TANC2: variants seen among roughly 807,000 people sequenced by gnomAD.
The protein encoded by TANC2 is tetratricopeptide repeat, ankyrin repeat and coiled-coil containing 2, also known as protein TANC2.
A neutral mutation model predicts 210.5 loss-of-function variants in TANC2; 26 were observed. The ratio of observed to expected loss-of-function variants is 0.12; its 90% CI spans 0.09 to 0.17. TANC2 has a LOEUF of 0.17. Among genes scored for constraint, TANC2 ranks in the 10% least tolerant of loss-of-function variants. The probability of loss-of-function intolerance (pLI) is 1.00; values close to 1 mark genes in which losing one functional copy is unlikely to be tolerated. For synonymous variants in TANC2, 931 were observed against 967.1 expected (o/e 0.96, Z 0.69); for missense variants, 2,129 against 2,608.9 (o/e 0.82, Z 4.01).
At chr17:63,082,489 C>T (rs1202307131) in intron 3 of TANC2, among the ~76,000 whole-genome samples, 1 of 152,000 alleles carries the variant, frequency 6.6e-6, no homozygotes, top group African/African-American at 2.4e-5. Context: ...AACCTTCACA[C>T]TATAAACACA....
chr17:63,003,891 ATTTG>A (rs1049194883), intron 1 of TANC2, among the ~76,000 whole-genome samples: 8 of 151,734 alleles, frequency 5.3e-5, no homozygotes, highest in South Asian at 2.1e-4. Context: ...CTGTTTTTTA[ATTTG>A]TTTGTTTTTT....
intron 9 of TANC2, among the ~76,000 whole-genome samples, chr17:63,299,776 C>T (rs1477226891): frequency 6.6e-6 from 1 of 151,982 alleles, no homozygotes; most frequent in African/African-American, 2.4e-5. Context: ...TGCAGAAGTT[C>T]TTTAGTTTAC....
chr17:63,256,443 TC>T (rs1479924394), intron 8 of TANC2, among the ~76,000 whole-genome samples: 1 of 152,212 alleles, frequency 6.6e-6, no homozygotes, highest in Non-Finnish European at 1.5e-5. Flanking sequence ...CTAGTTTTAT[TC>T]CATTGTGGTC....
intron 4 of TANC2, among the ~76,000 whole-genome samples, chr17:63,136,125 T>C (rs777419708): frequency 6.6e-6 from 1 of 152,192 alleles, no homozygotes; most frequent in African/African-American, 2.4e-5. Flanking sequence ...TACAGATAAA[T>C]GAAGATTTAA....
At chr17:63,185,982 T>C (rs972983881) in intron 5 of TANC2, among the ~76,000 whole-genome samples, 1 of 152,218 alleles carries the variant, frequency 6.6e-6, no homozygotes, top group Admixed American at 6.5e-5. Flanking sequence ...TTGTAAGAAA[T>C]ATTTACCTAG....
chr17:63,214,422 G>T (rs2041971625), intron 7 of TANC2, among the ~76,000 whole-genome samples: 1 of 152,192 alleles, frequency 6.6e-6, no homozygotes. Context: ...CAAACAACTG[G>T]CAGGTGACTA....
At chr17:63,281,507 T>C (rs981808363) in intron 9 of TANC2, among the ~76,000 whole-genome samples, 1 of 152,118 alleles carries the variant, frequency 6.6e-6, no homozygotes, top group African/African-American at 2.4e-5. Flanking sequence ...AGCTGCTTAT[T>C]ATAACCGAAG....
chr17:63,399,015 T>C (rs1195232237), intron 19 of TANC2, 101 bp downstream of exon 19: 1 of 802,904 alleles, frequency 1.2e-6, no homozygotes, highest in Non-Finnish European at 2.0e-6. Flanking sequence ...GGCAGTCTTC[T>C]GTCTCAGGCT....
Position 63,374,593 on chromosome 17 carries a change from T to C in TANC2, c.2583-5125T>C, listed in dbSNP as rs557247369. Among the ~76,000 whole-genome samples, 23 of 152,198 alleles carry C rather than the reference T, an allele frequency of 1.5e-4. No individual in the cohort carries two copies. The East Asian group carries it at 3.3e-3, about 22-fold the overall frequency. ...AGGGAAGGCTTCACAGAGGAGATGA[T>C]GTGAGTTGCCATTTGAAGAATGAGA... On this transcript the variant is annotated intron_variant, in intron 14 of 27. Coordinates refer to ENST00000689528, the Ensembl canonical transcript of TANC2.
At chr17:63,401,807 A>C (rs1273969693) in intron 19 of TANC2, among the ~76,000 whole-genome samples, 2 of 152,138 alleles carry the variant, frequency 1.3e-5, no homozygotes, top group South Asian at 4.1e-4. Context: ...GCTTCTAGCA[A>C]CTCTGGAGGC....
At chr17:63,332,651 A>T (rs1278559316) in intron 11 of TANC2, 2 of 193,886 alleles carry the variant, frequency 1.0e-5, no homozygotes, top group African/African-American at 4.8e-5. Flanking sequence ...GAGAGCAATG[A>T]TAGATTCTTA....
intron 11 of TANC2, among the ~76,000 whole-genome samples, chr17:63,321,516 G>A (rs764671501): frequency 3.9e-5 from 6 of 152,142 alleles, no homozygotes; most frequent in Non-Finnish European, 8.8e-5. Context: ...AGAACATTAA[G>A]ATGATCCGCC....
intron 2 of TANC2, among the ~76,000 whole-genome samples, chr17:63,048,245 T>G (rs1266096125): frequency 6.6e-6 from 1 of 152,186 alleles, no homozygotes; most frequent in African/African-American, 2.4e-5. Context: ...TGAGGTATCA[T>G]GTCCTGAACT....
At chr17:63,055,842 C>A (rs997610807) in intron 2 of TANC2, among the ~76,000 whole-genome samples, 1 of 149,354 alleles carries the variant, frequency 6.7e-6, no homozygotes, top group African/African-American at 2.4e-5. Context: ...ATACCACAAC[C>A]ACTTTTAAAG....
chr17:63,000,859 G>A (rs1357975917), intron 1 of TANC2, among the ~76,000 whole-genome samples: 1 of 151,318 alleles, frequency 6.6e-6, no homozygotes, highest in Admixed American at 6.6e-5. Flanking sequence ...GTTTTCTATT[G>A]GTATGTTAAC....
At chr17:63,073,466 A>G (rs1211519381) in intron 2 of TANC2, among the ~76,000 whole-genome samples, 1 of 152,084 alleles carries the variant, frequency 6.6e-6, no homozygotes, top group Non-Finnish European at 1.5e-5. Flanking sequence ...TTTAGCTTTT[A>G]TTGATTTATT....
chr17:63,338,158 C>T (rs922628352), intron 11 of TANC2, among the ~76,000 whole-genome samples: 2 of 152,102 alleles, frequency 1.3e-5, no homozygotes, highest in African/African-American at 2.4e-5. Context: ...CTGAGTTGAA[C>T]GGTAGTTCTG....
chr17:63,122,364 T>G (rs982703575), intron 4 of TANC2, among the ~76,000 whole-genome samples: 3 of 152,078 alleles, frequency 2.0e-5, no homozygotes, highest in African/African-American at 7.2e-5. Context: ...CCAAAGAAAG[T>G]TATGTCATTT....
chr17:63,328,376 A>ATATGTGTGTG (rs372249542), intron 11 of TANC2, among the ~76,000 whole-genome samples: 5 of 147,132 alleles, frequency 3.4e-5, no homozygotes, highest in African/African-American at 1.2e-4. Context: ...GTATGTGTAT[A>ATATGTGTGTG]TGTGTGTGTG....
Sources: gnomAD v4.1 joint callset for allele counts (sites outside exome capture counted in the v4.1 genomes callset) on GRCh38, gnomAD v4.1.1 for gene constraint, MANE v1.5 for transcripts, NCBI Gene and HGNC (gene_info 2026-07-23, HGNC 2026-07-21) for gene names.